The following CMSS1 variants were observed in gnomAD, a reference collection of about 807,000 sequenced individuals.
CMSS1 encodes cms1 ribosomal small subunit homolog, also known as protein CMSS1.
In CMSS1, 33 loss-of-function variants were observed where a neutral mutation model predicts 43.5. That is an observed-to-expected ratio of 0.76 (90% CI 0.57 to 1.01). The LOEUF is 1.01. Among genes scored for constraint, CMSS1 ranks in the 50% least tolerant of loss-of-function variants. The pLI, the probability that CMSS1 is intolerant of heterozygous loss-of-function variation, is 0.00. For missense variants in CMSS1, 313 were observed against 326.4 expected (o/e 0.96, Z 0.32); for synonymous variants, 115 against 117.2 (o/e 0.98, Z 0.12).
chr3:99,947,848 A>G (rs752854631), intron 1 of CMSS1, among the ~76,000 whole-genome samples: 1 of 152,220 alleles, frequency 6.6e-6, no homozygotes, highest in Non-Finnish European at 1.5e-5. Flanking sequence ...ATATTTGTCC[A>G]AATAATTCAT....
chr3:100,141,748 A>G (rs949995004), intron 1 of CMSS1: 5 of 342,650 alleles, frequency 1.5e-5, no homozygotes, highest in Non-Finnish European at 2.8e-5. Flanking sequence ...TAACTTAACC[A>G]ATCCCATCTG....
chr3:100,147,161 G>A (rs917656234), intron 2 of CMSS1, 100 bp downstream of exon 2: 2 of 1,307,326 alleles, frequency 1.5e-6, no homozygotes, highest in African/African-American at 1.5e-5. Context: ...GGTTGTTGGT[G>A]GGATTTAAGA....
At chr3:99,926,386 C>T (rs1279870429) in intron 1 of CMSS1, among the ~76,000 whole-genome samples, 1 of 152,212 alleles carries the variant, frequency 6.6e-6, no homozygotes, top group African/African-American at 2.4e-5. Flanking sequence ...GAGGCATCTT[C>T]TGAGGAGGCT....
chr3:99,841,436 A>G (rs181746453), intron 1 of CMSS1, among the ~76,000 whole-genome samples: 52 of 152,298 alleles, frequency 3.4e-4, no homozygotes, highest in Non-Finnish European at 5.0e-4. Context: ...AGACCTTTCT[A>G]AAAGGTCCTC....
At chr3:99,941,886 A>G (rs932955675) in intron 1 of CMSS1, among the ~76,000 whole-genome samples, 5 of 152,334 alleles carry the variant, frequency 3.3e-5, no homozygotes, top group Admixed American at 1.3e-4. Flanking sequence ...TTGATCAACA[A>G]TGCAATAGCA....
chr3:100,173,875 T>C (rs1389892930), intron 8 of CMSS1, among the ~76,000 whole-genome samples: 1 of 152,198 alleles, frequency 6.6e-6, no homozygotes, highest in Non-Finnish European at 1.5e-5. Context: ...TCTGTGACCT[T>C]GGCAAGTTAC....
At chr3:99,850,604 T>G in intron 1 of CMSS1, 6 of 1,613,884 alleles carry the variant, frequency 3.7e-6, no homozygotes, top group Non-Finnish European at 5.1e-6. Context: ...CCCTTACTGA[T>G]TTTTTCTTTT....
At position 100,093,949 on chromosome 3, in the gene CMSS1, C is replaced by G. The variant is rs924210259; in HGVS notation, c.65-53024C>G. 1.4e-4 allele frequency among the ~76,000 whole-genome samples: 21 copies of G among 152,098 alleles called. 1 individual carries two copies. Among genetic ancestry groups the G allele is most frequent in the African/African-American group, 4.6e-4 (19 of 41,430 alleles). ...TTGTGTACAGGTTGTTGTGTGAACACAAGTTTTCATTTCCCTGGGATGAAT... is the reference window on the plus strand; with the variant it reads ...TTGTGTACAGGTTGTTGTGTGAACAGAAGTTTTCATTTCCCTGGGATGAAT... On this transcript the variant is annotated intron_variant, in intron 1 of 9. Coordinates refer to ENST00000421999, the MANE Select transcript of CMSS1 (RefSeq NM_032359.4).
chr3:100,079,277 G>A (rs970926371), intron 1 of CMSS1, among the ~76,000 whole-genome samples: 7 of 152,154 alleles, frequency 4.6e-5, no homozygotes, highest in Non-Finnish European at 7.3e-5. Context: ...TCTGTTGGTC[G>A]AAGTATTCAA....
intron 1 of CMSS1, among the ~76,000 whole-genome samples, chr3:99,923,913 C>T (rs1395257707): frequency 6.6e-6 from 1 of 152,194 alleles, no homozygotes; most frequent in Non-Finnish European, 1.5e-5. Context: ...CTTATTTCAC[C>T]CCTTGCCATG....
intron 1 of CMSS1, among the ~76,000 whole-genome samples, chr3:99,965,095 C>T (rs1576605679): frequency 6.6e-6 from 1 of 152,238 alleles, no homozygotes; most frequent in Non-Finnish European, 1.5e-5. Context: ...CTAGTAATTA[C>T]CTTGAAAGAT....
chr3:99,886,882 A>G (rs1705917004), intron 1 of CMSS1, among the ~76,000 whole-genome samples: 1 of 151,728 alleles, frequency 6.6e-6, no homozygotes, highest in Non-Finnish European at 1.5e-5. Flanking sequence ...AGGCAGGAGA[A>G]TCGCTTGAAC....
intron 1 of CMSS1, among the ~76,000 whole-genome samples, chr3:100,041,801 T>C (rs1475633937): frequency 6.6e-6 from 1 of 152,204 alleles, no homozygotes; most frequent in Admixed American, 6.5e-5. Context: ...GGAGAAAGGA[T>C]AACTCATGTT....
At chr3:100,084,192 C>T (rs751612885) in intron 1 of CMSS1, among the ~76,000 whole-genome samples, 28 of 152,208 alleles carry the variant, frequency 1.8e-4, no homozygotes, top group Admixed American at 4.6e-4. Flanking sequence ...GCAAAAGCTC[C>T]GTATTGTTAT....
At chr3:100,097,386 A>G (rs2066228715) in intron 1 of CMSS1, among the ~76,000 whole-genome samples, 1 of 152,218 alleles carries the variant, frequency 6.6e-6, no homozygotes, top group Non-Finnish European at 1.5e-5. Flanking sequence ...TTATATGCAA[A>G]TACTGTGCTA....
chr3:100,117,255 T>C (rs1280631244), intron 1 of CMSS1, among the ~76,000 whole-genome samples: 1 of 152,186 alleles, frequency 6.6e-6, no homozygotes, highest in East Asian at 1.9e-4. Context: ...TTATTTATGT[T>C]ATTTGATTTT....
intron 1 of CMSS1, among the ~76,000 whole-genome samples, chr3:99,983,389 A>AATATATATATATAT (rs397990626): frequency 9.8e-5 from 4 of 40,800 alleles, no homozygotes; most frequent in African/African-American, 2.0e-4. Context: ...TAAATAAATA[A>AATATATATATATAT]ATATATATAT....
At chr3:99,823,875 G>C (rs1184456719) in intron 1 of CMSS1, among the ~76,000 whole-genome samples, 1 of 150,784 alleles carries the variant, frequency 6.6e-6, no homozygotes, top group African/African-American at 2.4e-5. Context: ...TGTGTTAGCT[G>C]TTCTTTTCCT....
At chr3:100,036,514 G>T (rs938569839) in intron 1 of CMSS1, among the ~76,000 whole-genome samples, 11 of 152,156 alleles carry the variant, frequency 7.2e-5, no homozygotes, top group African/African-American at 2.4e-4. Flanking sequence ...TTTGTTCATG[G>T]TGATAATAGG....
Sources: allele counts gnomAD v4.1 joint callset (sites outside exome capture counted in the v4.1 genomes callset), GRCh38; gene constraint gnomAD v4.1.1; transcripts MANE v1.5; gene names NCBI Gene and HGNC (gene_info 2026-07-23, HGNC 2026-07-21).